The following IFNG-AS1 variants were observed in gnomAD, a reference collection of about 807,000 sequenced individuals.
IFNG-AS1 encodes the protein IFNG regulatory antisense RNA 1.
At chr12:68,003,667 C>A (rs899865051) in intron 2 of IFNG-AS1, among the ~76,000 whole-genome samples, 3 of 152,138 alleles carry the variant, frequency 2.0e-5, no homozygotes, top group Non-Finnish European at 4.4e-5. Flanking sequence ...GTAATCCCAG[C>A]ACTTTGGGAG....
At chr12:67,999,595 GAATAA>G (rs1879720764) in intron 2 of IFNG-AS1, among the ~76,000 whole-genome samples, 2 of 152,094 alleles carry the variant, frequency 1.3e-5, no homozygotes, top group South Asian at 4.1e-4. Flanking sequence ...ATAGCATATA[GAATAA>G]AATAAGTATT....
intron 4 of IFNG-AS1, chr12:68,019,928 G>A (rs1880247431): frequency 6.6e-6 from 1 of 152,174 alleles, no homozygotes; most frequent in Admixed American, 6.5e-5. Context: ...AGCCCAGAAG[G>A]AGAACAATTA....
At chr12:68,013,004 G>A (rs1880068333) in intron 3 of IFNG-AS1, among the ~76,000 whole-genome samples, 1 of 152,180 alleles carries the variant, frequency 6.6e-6, no homozygotes, top group South Asian at 2.1e-4. Flanking sequence ...GACAAAAGGG[G>A]AAAGAACTAT....
chr12:67,998,271 G>A (rs1262653179), intron 2 of IFNG-AS1, among the ~76,000 whole-genome samples: 3 of 151,988 alleles, frequency 2.0e-5, no homozygotes, highest in Non-Finnish European at 4.4e-5. Context: ...AACAAATTGT[G>A]TACCTCTACA....
At chr12:68,015,448 C>T (rs777595869) in intron 3 of IFNG-AS1, among the ~76,000 whole-genome samples, 1 of 152,132 alleles carries the variant, frequency 6.6e-6, no homozygotes, top group Non-Finnish European at 1.5e-5. Context: ...CAGGAGCAAG[C>T]AATCCCACCC....
chr12:68,003,805 G>A (rs983034992), intron 2 of IFNG-AS1, among the ~76,000 whole-genome samples: 9 of 151,832 alleles, frequency 5.9e-5, no homozygotes, highest in African/African-American at 2.2e-4. Context: ...TACCCGGGAG[G>A]CTGAGGCAGG....
chr12:68,017,523 G>C (rs576778858), intron 3 of IFNG-AS1, among the ~76,000 whole-genome samples: 1 of 152,278 alleles, frequency 6.6e-6, no homozygotes, highest in East Asian at 1.9e-4. Context: ...AGAAAATTTG[G>C]AGATAAACTG....
intron 1 of IFNG-AS1, among the ~76,000 whole-genome samples, chr12:67,993,577 A>C (rs1879565790): frequency 6.6e-6 from 1 of 152,244 alleles, no homozygotes; most frequent in Non-Finnish European, 1.5e-5. Flanking sequence ...CTAACAATGA[A>C]TATCTTCCAG....
At chr12:68,015,436 G>T (rs1880128667) in intron 3 of IFNG-AS1, among the ~76,000 whole-genome samples, 1 of 152,150 alleles carries the variant, frequency 6.6e-6, no homozygotes, top group Admixed American at 6.5e-5. Context: ...GAGGTAAGGT[G>T]TCAGGAGCAA....
chr12:68,016,988 C>T (rs1880170570), intron 3 of IFNG-AS1, among the ~76,000 whole-genome samples: 2 of 152,102 alleles, frequency 1.3e-5, no homozygotes, highest in African/African-American at 4.8e-5. Context: ...TATAAGTAAC[C>T]ACATATAAGT....
chr12:68,008,601 A>C (rs1214193594), intron 3 of IFNG-AS1, among the ~76,000 whole-genome samples: 1 of 152,160 alleles, frequency 6.6e-6, no homozygotes, highest in Non-Finnish European at 1.5e-5. Context: ...TCTTGTTCGT[A>C]GGATGGCTCA....
At chr12:68,011,270 A>T (rs369393089) in intron 3 of IFNG-AS1, among the ~76,000 whole-genome samples, 1 of 152,226 alleles carries the variant, frequency 6.6e-6, no homozygotes, top group African/African-American at 2.4e-5. Context: ...TAATCGAGTA[A>T]GGTAAACTTA....
chr12:67,999,309 G>C (rs1015725402), intron 2 of IFNG-AS1, among the ~76,000 whole-genome samples: 1 of 152,230 alleles, frequency 6.6e-6, no homozygotes, highest in South Asian at 2.1e-4. Context: ...GACACCAGTA[G>C]CAATGAACAC....
chr12:68,015,277 A>C (rs1427213241), intron 3 of IFNG-AS1, among the ~76,000 whole-genome samples: 1 of 152,120 alleles, frequency 6.6e-6, no homozygotes, highest in African/African-American at 2.4e-5. Context: ...AGAAGGAGGG[A>C]TGTGGGGTCA....
chr12:68,003,770 G>A (rs1436084403), intron 2 of IFNG-AS1, among the ~76,000 whole-genome samples: 1 of 152,060 alleles, frequency 6.6e-6, no homozygotes, highest in Non-Finnish European at 1.5e-5. Flanking sequence ...AGCCGGGCAT[G>A]GTAGCGGGTG....
chr12:68,012,865 AAAC>A (rs1355727978), intron 3 of IFNG-AS1, among the ~76,000 whole-genome samples: 5 of 152,206 alleles, frequency 3.3e-5, no homozygotes, highest in African/African-American at 1.2e-4. Context: ...CATTCTATAA[AAAC>A]AACAACAGCT....
intron 3 of IFNG-AS1, among the ~76,000 whole-genome samples, chr12:68,015,595 T>C (rs1880133380): frequency 6.6e-6 from 1 of 152,180 alleles, no homozygotes; most frequent in Non-Finnish European, 1.5e-5. Context: ...GTTCTTATGA[T>C]CTACCCACTA....
chr12:67,992,120 G>A (rs996020207), intron 1 of IFNG-AS1, among the ~76,000 whole-genome samples: 8 of 151,980 alleles, frequency 5.3e-5, no homozygotes, highest in South Asian at 4.1e-4. Context: ...TTATCTTCCC[G>A]TGATGTTTCT....
chr12:68,020,761 G>A (rs1363789377), intron 4 of IFNG-AS1: 1 of 152,112 alleles, frequency 6.6e-6, no homozygotes, highest in Non-Finnish European at 1.5e-5. Flanking sequence ...TGATAGTGTT[G>A]TGGAAAACTC....
Sources: allele counts gnomAD v4.1 joint callset (sites outside exome capture counted in the v4.1 genomes callset), GRCh38; gene constraint gnomAD v4.1.1; transcripts MANE v1.5; gene names NCBI Gene and HGNC (gene_info 2026-07-23, HGNC 2026-07-21).